Variants in FGGY observed in about 807,000 individuals in gnomAD.
FGGY encodes the protein FGGY carbohydrate kinase domain-containing protein.
Under a neutral mutation model 71.3 loss-of-function variants are expected in FGGY, and 72 were observed. The ratio of observed to expected loss-of-function variants is 1.01; its 90% CI spans 0.84 to 1.23. The LOEUF (loss-of-function observed/expected upper bound fraction) is 1.23, where lower values mean the gene tolerates loss of function less well. Among genes scored for constraint, FGGY ranks in the 50% most tolerant of loss-of-function variants. The probability of loss-of-function intolerance (pLI) is 0.00; values close to 1 mark genes in which losing one functional copy is unlikely to be tolerated. For synonymous variants in FGGY, 251 were observed against 250.3 expected, an observed-to-expected ratio of 1.00 and a Z score of -0.02; for missense variants, 668 against 682.3, an observed-to-expected ratio of 0.98 and a Z score of 0.23.
intron 9 of FGGY, among the ~76,000 whole-genome samples, chr1:59,623,450 T>G (rs1017288196): frequency 6.6e-6 from 1 of 152,186 alleles, no homozygotes; most frequent in Non-Finnish European, 1.5e-5. Flanking sequence ...GTGTGGTAAG[T>G]GCCACCAAGG....
At chr1:59,438,968 A>G (rs1206269909) in intron 5 of FGGY, among the ~76,000 whole-genome samples, 5 of 152,274 alleles carry the variant, frequency 3.3e-5, no homozygotes, top group East Asian at 3.9e-4. Context: ...TAATGTTTAT[A>G]ATATTTACTA....
chr1:59,641,591 A>G, intron 11 of FGGY, among the ~76,000 whole-genome samples: 1 of 152,224 alleles, frequency 6.6e-6, no homozygotes, highest in East Asian at 1.9e-4. Flanking sequence ...TGCTCAATAC[A>G]TGTCTGACTT....
intron 11 of FGGY, among the ~76,000 whole-genome samples, chr1:59,650,514 C>G (rs1477788070): frequency 9.9e-6 from 1 of 100,632 alleles, no homozygotes; most frequent in African/African-American, 5.2e-5. Context: ...TCCATTTCTT[C>G]TAGATTTTCT....
At chr1:59,604,847 C>T (rs796684872) in intron 8 of FGGY, among the ~76,000 whole-genome samples, 2 of 152,174 alleles carry the variant, frequency 1.3e-5, no homozygotes, top group African/African-American at 4.8e-5. Flanking sequence ...TCTACCTGTG[C>T]AAACCCTGGG....
At chr1:59,718,152 G>T (rs1472603564) in intron 14 of FGGY, among the ~76,000 whole-genome samples, 4 of 152,182 alleles carry the variant, frequency 2.6e-5, no homozygotes, top group Non-Finnish European at 5.9e-5. Context: ...GACCATAAGG[G>T]ATTTGACTAA....
intron 5 of FGGY, among the ~76,000 whole-genome samples, chr1:59,430,391 T>C (rs1239392134): frequency 3.9e-5 from 6 of 152,270 alleles, no homozygotes; most frequent in African/African-American, 1.4e-4. Context: ...TTCATGTCTT[T>C]TTTGGTGTAA....
chr1:59,562,138 T>G (rs2095801911), intron 8 of FGGY, among the ~76,000 whole-genome samples: 1 of 152,218 alleles, frequency 6.6e-6, no homozygotes, highest in Non-Finnish European at 1.5e-5. Context: ...GCCATTCCAC[T>G]CTTACAAAAG....
upstream of FGGY, chr1:59,296,781 G>A (rs1007853360): frequency 7.2e-5 from 11 of 153,196 alleles, no homozygotes; most frequent in African/African-American, 2.7e-4. Flanking sequence ...CGCCGGCGGG[G>A]GCGGGATCGC....
intron 8 of FGGY, among the ~76,000 whole-genome samples, chr1:59,591,596 G>A (rs1489759110): frequency 6.6e-6 from 1 of 152,104 alleles, no homozygotes; most frequent in Non-Finnish European, 1.5e-5. Flanking sequence ...CAGAGATATA[G>A]ACCAATGTAA....
chr1:59,346,466 G>C lies in FGGY; in HGVS notation c.465+68G>C, dbSNP rs77176025. Reference sequence around the variant, plus strand: ...GGATTCCTGTTACTGTGGACCTGTAGGTACCAGGCACCCTGCTAAAATCGG... The same window carrying C: ...GGATTCCTGTTACTGTGGACCTGTACGTACCAGGCACCCTGCTAAAATCGG... On this transcript the variant is annotated intron_variant, in intron 4 of 15. Transcript: ENST00000303721. The C allele has an allele frequency of 4.8e-3, 7,416 of 1,546,704 alleles. 315 individuals are homozygous for C. In the African/African-American group the frequency reaches 0.089, roughly 19 times the overall value.
At chr1:59,436,941 C>G (rs1465045628) in intron 5 of FGGY, among the ~76,000 whole-genome samples, 5 of 152,232 alleles carry the variant, frequency 3.3e-5, no homozygotes, top group African/African-American at 1.2e-4. Context: ...TCTGTCCAAA[C>G]TCTCCCATGA....
At chr1:59,557,359 A>G (rs1202770269) in intron 8 of FGGY, among the ~76,000 whole-genome samples, 1 of 152,150 alleles carries the variant, frequency 6.6e-6, no homozygotes, top group East Asian at 1.9e-4. Context: ...ATTCCCAGGA[A>G]CGTTTTGTGC....
At chr1:59,539,790 C>T (rs1361609456) in intron 7 of FGGY, among the ~76,000 whole-genome samples, 1 of 152,016 alleles carries the variant, frequency 6.6e-6, no homozygotes, top group African/African-American at 2.4e-5. Context: ...TCAAAAGCTT[C>T]CATTAAAAGA....
intron 6 of FGGY, among the ~76,000 whole-genome samples, chr1:59,464,198 A>C (rs561020045): frequency 3.9e-5 from 6 of 152,368 alleles, no homozygotes; most frequent in Admixed American, 2.6e-4. Context: ...ATTGGAACTC[A>C]GGATTAAGAA....
chr1:59,584,030 C>T (rs1169506609), intron 8 of FGGY, among the ~76,000 whole-genome samples: 2 of 149,434 alleles, frequency 1.3e-5, no homozygotes, highest in Non-Finnish European at 2.9e-5. Flanking sequence ...GAATAGCTTA[C>T]CAACCAAAAA....
chr1:59,604,507 C>G (rs2096605439), intron 8 of FGGY, among the ~76,000 whole-genome samples: 1 of 152,210 alleles, frequency 6.6e-6, no homozygotes, highest in African/African-American at 2.4e-5. Flanking sequence ...AAACCATTCT[C>G]TGACATTTCT....
chr1:59,522,286 G>A (rs1158734022), intron 7 of FGGY, among the ~76,000 whole-genome samples: 2 of 152,244 alleles, frequency 1.3e-5, no homozygotes, highest in African/African-American at 2.4e-5. Context: ...CTATTTGTGT[G>A]TAGGTATGTT....
intron 11 of FGGY, among the ~76,000 whole-genome samples, chr1:59,648,750 T>G (rs1297113117): frequency 6.6e-6 from 1 of 151,554 alleles, no homozygotes; most frequent in Non-Finnish European, 1.5e-5. Context: ...GCTCTTTAGT[T>G]TAATTAGATC....
intron 11 of FGGY, among the ~76,000 whole-genome samples, chr1:59,658,614 G>A (rs1394138704): frequency 6.6e-6 from 1 of 152,200 alleles, no homozygotes. Context: ...CCAGGAAGAA[G>A]CACATGAGAC....
Sources: allele counts gnomAD v4.1 joint callset (sites outside exome capture counted in the v4.1 genomes callset), GRCh38; gene constraint gnomAD v4.1.1; transcripts MANE v1.5; gene names NCBI Gene and HGNC (gene_info 2026-07-23, HGNC 2026-07-21).